Variants in ARMC2 observed in about 807,000 individuals in gnomAD.
ARMC2 encodes armadillo repeat-containing protein 2.
Under a neutral mutation model 90.3 loss-of-function variants are expected in ARMC2, and 67 were observed. The observed-to-expected ratio is 0.74, with a 90% CI of 0.61 to 0.91. ARMC2 has a LOEUF of 0.91. Ranked by LOEUF, ARMC2 falls within the 40% of genes least tolerant of loss-of-function variation. The pLI, the probability that ARMC2 is intolerant of heterozygous loss-of-function variation, is 0.00. For synonymous variants in ARMC2, 393 were observed against 393.0 expected (o/e 1.00, Z 0.00); for missense variants, 920 against 1,030.9 (o/e 0.89, Z 1.47).
downstream of ARMC2, among the ~76,000 whole-genome samples, chr6:108,976,865 T>C (rs1018274131): frequency 6.6e-6 from 1 of 152,250 alleles, no homozygotes; most frequent in Non-Finnish European, 1.5e-5. Context: ...ATCTTGAGAC[T>C]TTGCTGAAAT....
the ARMC2 span, among the ~76,000 whole-genome samples, chr6:108,989,600 GAGAT>G: frequency 6.6e-4 from 93 of 141,780 alleles, no homozygotes; most frequent in African/African-American, 2.2e-3. Context: ...GAGATAGAGA[GAGAT>G]AGATATCTCT....
chr6:109,009,319 C>A, the ARMC2 span: 1 of 1,454,268 alleles, frequency 6.9e-7, no homozygotes, highest in South Asian at 1.3e-5. Context: ...GCCCACCCGC[C>A]CAGGTACCCA....
intron 3 of ARMC2, among the ~76,000 whole-genome samples, chr6:108,865,119 A>G (rs1775684176): frequency 6.7e-6 from 1 of 149,460 alleles, no homozygotes; most frequent in Admixed American, 6.8e-5. Context: ...AGTAGTTGGG[A>G]CTACAGGCAT....
At chr6:109,052,968 A>G in the ARMC2 span, among the ~76,000 whole-genome samples, 1 of 152,314 alleles carries the variant, frequency 6.6e-6, no homozygotes, top group South Asian at 2.1e-4. Context: ...AAAGTAATTG[A>G]AAGTTGTAAA....
At chr6:108,961,053 A>T (rs1777964893) in intron 13 of ARMC2, among the ~76,000 whole-genome samples, 1 of 152,142 alleles carries the variant, frequency 6.6e-6, no homozygotes, top group African/African-American at 2.4e-5. Flanking sequence ...GGAAGAAGAG[A>T]AGCCAGCAAG....
At chr6:109,011,988 T>G in the ARMC2 span, among the ~76,000 whole-genome samples, 2 of 152,232 alleles carry the variant, frequency 1.3e-5, no homozygotes, top group South Asian at 2.1e-4. Flanking sequence ...TTGAAATGTT[T>G]TGTTTCAAAC....
intron 1 of ARMC2, among the ~76,000 whole-genome samples, chr6:108,853,510 T>C (rs1382635229): frequency 6.6e-6 from 1 of 152,162 alleles, no homozygotes; most frequent in Non-Finnish European, 1.5e-5. Context: ...CCTAATGCTA[T>C]ATACTCATTA....
chr6:108,922,256 G>C (rs1224613105), intron 10 of ARMC2, among the ~76,000 whole-genome samples: 1 of 152,048 alleles, frequency 6.6e-6, no homozygotes, highest in Non-Finnish European at 1.5e-5. Flanking sequence ...TCCAAGTCCG[G>C]AGGGCCCCCC....
chr6:108,965,016 T>C lies in ARMC2; in HGVS notation c.2322T>C (p.Asp774=), dbSNP rs1455277513. The C allele has an allele frequency of 6.2e-7, 1 of 1,613,400 alleles. No individual in the cohort carries two copies. Residue 774 remains aspartate (D), a synonymous_variant, in exon 17 of 18, where the codon GAT becomes GAC. Coordinates refer to ENST00000392644, the MANE Select transcript of ARMC2 (RefSeq NM_032131.6). ...GTTTAAGAGATTTGGGTCCTACTGA[T>C]TGGCAGCTGGCCTGCTTGGTTTGTA... is the stretch of plus-strand genomic sequence containing the variant. ...VDCLRDLGPT[D]WQLACLVCKT... is the part of the protein sequence containing the mutation.
chr6:108,881,804 A>G (rs992399732), intron 5 of ARMC2, among the ~76,000 whole-genome samples: 1 of 152,178 alleles, frequency 6.6e-6, no homozygotes, highest in Non-Finnish European at 1.5e-5. Flanking sequence ...GCTCCACACA[A>G]ACCAAGGGAA....
chr6:108,981,089 T>C, the ARMC2 span, among the ~76,000 whole-genome samples: 2 of 152,170 alleles, frequency 1.3e-5, no homozygotes, highest in Non-Finnish European at 2.9e-5. Context: ...GGGGCTAATT[T>C]ATCTAAAACA....
At chr6:109,013,376 G>A in the ARMC2 span, among the ~76,000 whole-genome samples, 1 of 152,180 alleles carries the variant, frequency 6.6e-6, no homozygotes, top group Non-Finnish European at 1.5e-5. Flanking sequence ...AGTGGATTCT[G>A]TCTCTCCAGT....
chr6:108,958,694 T>G (rs1777771356), intron 13 of ARMC2, among the ~76,000 whole-genome samples: 1 of 152,226 alleles, frequency 6.6e-6, no homozygotes, highest in African/African-American at 2.4e-5. Flanking sequence ...GACATTCACC[T>G]GAGCTGCTCC....
intron 6 of ARMC2, among the ~76,000 whole-genome samples, chr6:108,898,908 A>G (rs1291794672): frequency 6.6e-6 from 1 of 152,184 alleles, no homozygotes; most frequent in Non-Finnish European, 1.5e-5. Flanking sequence ...GCTTGGTAGT[A>G]TCACACAGGC....
intron 15 of ARMC2, among the ~76,000 whole-genome samples, chr6:108,962,349 G>A (rs935358520): frequency 6.6e-5 from 10 of 152,302 alleles, no homozygotes; most frequent in African/African-American, 1.9e-4. Context: ...GTGTGTGTAT[G>A]TCTAATGGAA....
At chr6:108,996,446 G>C in the ARMC2 span, among the ~76,000 whole-genome samples, 2 of 152,014 alleles carry the variant, frequency 1.3e-5, no homozygotes, top group Non-Finnish European at 2.9e-5. Context: ...ATGACTCAAA[G>C]TTTAAAAAAG....
At chr6:108,937,092 A>C in intron 12 of ARMC2, 93 bp downstream of exon 12, 1 of 1,128,530 alleles carries the variant, frequency 8.9e-7, no homozygotes, top group Non-Finnish European at 1.2e-6. Flanking sequence ...TTGAGTATAT[A>C]GGTTTCTATA....
chr6:108,868,733 G>A, intron 3 of ARMC2, 91 bp from the exon 4 acceptor site: 1 of 1,209,224 alleles, frequency 8.3e-7, no homozygotes. Flanking sequence ...TAGGCCTTGT[G>A]CTCTTCTGGA....
chr6:109,036,121 G>T, the ARMC2 span, among the ~76,000 whole-genome samples: 16,545 of 152,088 alleles, frequency 0.11, 1,025 homozygotes, highest in Middle Eastern at 0.19. Flanking sequence ...TTCCTACCAA[G>T]GTACACTTAG....
Sources: gnomAD v4.1 joint callset for allele counts (sites outside exome capture counted in the v4.1 genomes callset) on GRCh38, gnomAD v4.1.1 for gene constraint, MANE v1.5 for transcripts, NCBI Gene and HGNC (gene_info 2026-07-23, HGNC 2026-07-21) for gene names.